MAPK10: variants seen among roughly 807,000 people sequenced by gnomAD.
MAPK10 encodes the protein JNK3 alpha protein kinase.
A neutral mutation model predicts 59.3 loss-of-function variants in MAPK10; 25 were observed. The observed-to-expected ratio is 0.42, with a 90% confidence interval of 0.31 to 0.59. MAPK10 has a LOEUF of 0.59. Among genes scored for constraint, MAPK10 ranks in the 20% least tolerant of loss-of-function variants. The probability of loss-of-function intolerance (pLI) is 0.15; values close to 1 mark genes in which losing one functional copy is unlikely to be tolerated. For synonymous variants in MAPK10, 190 were observed against 200.5 expected (o/e 0.95, Z 0.44); for missense variants, 351 against 568.9 (o/e 0.62, Z 3.90).
chr4:86,336,927 A>T (rs971996223), intron 2 of MAPK10, among the ~76,000 whole-genome samples: 6 of 151,018 alleles, frequency 4.0e-5, no homozygotes, highest in African/African-American at 1.5e-4. Context: ...AGTAGCTGGG[A>T]CTACAGGCGC....
intron 2 of MAPK10, among the ~76,000 whole-genome samples, chr4:86,218,103 C>A (rs1277393030): frequency 2.6e-5 from 4 of 152,176 alleles, no homozygotes; most frequent in Non-Finnish European, 4.4e-5. Flanking sequence ...ATACTGAGGA[C>A]TTTGTGAACA....
At chr4:86,428,080 A>G (rs1463561575) in intron 1 of MAPK10, among the ~76,000 whole-genome samples, 1 of 152,184 alleles carries the variant, frequency 6.6e-6, no homozygotes, top group African/African-American at 2.4e-5. Context: ...TTATGGGCAG[A>G]AAAAGGGCTG....
intron 11 of MAPK10, among the ~76,000 whole-genome samples, chr4:86,033,446 C>A (rs1051546762): frequency 2.6e-5 from 4 of 152,244 alleles, no homozygotes; most frequent in African/African-American, 4.8e-5. Context: ...CTTCTCCATG[C>A]AGTGGATTTT....
intron 1 of MAPK10, among the ~76,000 whole-genome samples, chr4:86,462,320 G>A (rs1203837333): frequency 6.6e-6 from 1 of 152,142 alleles, no homozygotes; most frequent in Non-Finnish European, 1.5e-5. Context: ...ATCTACTTCC[G>A]TTCCCTGGAA....
At chr4:86,026,206 A>G (rs1268634319) in intron 13 of MAPK10, among the ~76,000 whole-genome samples, 2 of 152,160 alleles carry the variant, frequency 1.3e-5, no homozygotes, top group African/African-American at 2.4e-5. Context: ...TGGGAGCTTT[A>G]CTTCTCAGGT....
At chr4:86,171,072 G>A (rs1378402204) in intron 3 of MAPK10, 1 of 152,018 alleles carries the variant, frequency 6.6e-6, no homozygotes, top group East Asian at 1.9e-4. Flanking sequence ...CTCATTCGAA[G>A]CAGTGTGTAG....
At chr4:86,589,539 G>T (rs946058356) in intron 1 of MAPK10, among the ~76,000 whole-genome samples, 8 of 152,056 alleles carry the variant, frequency 5.3e-5, no homozygotes, top group African/African-American at 1.9e-4. Context: ...AAAATTAGCC[G>T]GGCGTGGTGG....
At chr4:86,396,073 A>C (rs1057449619) in intron 1 of MAPK10, among the ~76,000 whole-genome samples, 4 of 152,094 alleles carry the variant, frequency 2.6e-5, no homozygotes, top group Non-Finnish European at 4.4e-5. Flanking sequence ...CGGCCGGGCG[A>C]GGTGGCTCAC....
chr4:86,361,606 T>G (rs1736974023), upstream of MAPK10, among the ~76,000 whole-genome samples: 2 of 151,964 alleles, frequency 1.3e-5, no homozygotes, highest in Non-Finnish European at 2.9e-5. Context: ...GGAAACAACT[T>G]AAGTGTCCAT....
At chr4:86,475,271 T>G (rs1752989771) in intron 1 of MAPK10, among the ~76,000 whole-genome samples, 1 of 152,172 alleles carries the variant, frequency 6.6e-6, no homozygotes. Flanking sequence ...CCTTGGGAGA[T>G]CAATCCCCTG....
At chr4:86,109,508 A>G (rs1465809642) in intron 4 of MAPK10, among the ~76,000 whole-genome samples, 2 of 152,170 alleles carry the variant, frequency 1.3e-5, no homozygotes, top group African/African-American at 4.8e-5. Context: ...TTCCTGCATT[A>G]GTTTGTTAAG....
chr4:86,385,286 A>G (rs529052485), intron 1 of MAPK10, among the ~76,000 whole-genome samples: 1 of 152,258 alleles, frequency 6.6e-6, no homozygotes, highest in Admixed American at 6.5e-5. Flanking sequence ...TTTACCAACC[A>G]TTGCTGGTTA....
At chr4:86,213,856 A>G (rs1409009972) in intron 2 of MAPK10, among the ~76,000 whole-genome samples, 1 of 152,092 alleles carries the variant, frequency 6.6e-6, no homozygotes, top group Admixed American at 6.6e-5. Context: ...GGGAACACTT[A>G]CAGACTCATT....
intron 1 of MAPK10, among the ~76,000 whole-genome samples, chr4:86,516,649 G>T (rs1564975834): frequency 6.6e-6 from 1 of 151,710 alleles, no homozygotes; most frequent in East Asian, 1.9e-4. Context: ...TTGTTTGTTT[G>T]TTTTTTGTTT....
At chr4:86,275,766 G>A (rs897239988) in intron 2 of MAPK10, among the ~76,000 whole-genome samples, 3 of 152,016 alleles carry the variant, frequency 2.0e-5, no homozygotes, top group Non-Finnish European at 4.4e-5. Context: ...TCCATTTTGA[G>A]TTTTAGTTAA....
At chr4:86,437,019 T>C (rs772581649) in intron 1 of MAPK10, among the ~76,000 whole-genome samples, 3 of 152,054 alleles carry the variant, frequency 2.0e-5, no homozygotes, top group African/African-American at 7.2e-5. Context: ...GAGACCATCC[T>C]GGCTAACACG....
intron 1 of MAPK10, among the ~76,000 whole-genome samples, chr4:86,526,802 G>C (rs1426824701): frequency 6.6e-6 from 1 of 151,922 alleles, no homozygotes. Flanking sequence ...TTTCTGCCTT[G>C]ATTTCTTTGT....
At chr4:86,242,855 T>C (rs969555125) in intron 2 of MAPK10, among the ~76,000 whole-genome samples, 3 of 133,166 alleles carry the variant, frequency 2.3e-5, no homozygotes, top group Non-Finnish European at 4.6e-5. Flanking sequence ...TGGCAGGTGC[T>C]GGATGCCCCT....
intron 1 of MAPK10, among the ~76,000 whole-genome samples, chr4:86,444,831 T>C (rs1037919093): frequency 2.6e-5 from 4 of 151,918 alleles, no homozygotes; most frequent in Non-Finnish European, 4.4e-5. Context: ...CTCAACATCA[T>C]TGATCATTAG....
Sources: gnomAD v4.1 joint callset for allele counts (sites outside exome capture counted in the v4.1 genomes callset) on GRCh38, gnomAD v4.1.1 for gene constraint, MANE v1.5 for transcripts, NCBI Gene and HGNC (gene_info 2026-07-23, HGNC 2026-07-21) for gene names.